Variants in ZNF608 observed in about 807,000 individuals in gnomAD.
The protein encoded by ZNF608 is renal carcinoma antigen NY-REN-36.
Under a neutral mutation model 109.0 loss-of-function variants are expected in ZNF608, and 12 were observed. That is an observed-to-expected ratio of 0.11 (90% CI 0.07 to 0.18). ZNF608 has a LOEUF of 0.18. Ranked by LOEUF, ZNF608 falls within the 10% of genes least tolerant of loss-of-function variation. The pLI, the probability that ZNF608 is intolerant of heterozygous loss-of-function variation, is 1.00. For missense variants in ZNF608, 1,707 were observed against 1,879.3 expected (o/e 0.91, Z 1.70); for synonymous variants, 732 against 717.4 (o/e 1.02, Z -0.33).
intron 8 of ZNF608, among the ~76,000 whole-genome samples, chr5:124,640,516 C>A (rs1420333265): frequency 6.6e-6 from 1 of 152,210 alleles, no homozygotes; most frequent in Non-Finnish European, 1.5e-5. Flanking sequence ...GCTGTACTGG[C>A]ACCCTGATCT....
intron 3 of ZNF608, among the ~76,000 whole-genome samples, chr5:124,674,303 C>T (rs1347970790): frequency 1.3e-5 from 2 of 152,214 alleles, no homozygotes; most frequent in Non-Finnish European, 2.9e-5. Flanking sequence ...ACATTGGAAT[C>T]AACTGGGTGG....
chr5:124,719,262 G>T (rs1487621654), intron 2 of ZNF608, among the ~76,000 whole-genome samples: 2 of 152,226 alleles, frequency 1.3e-5, no homozygotes, highest in Admixed American at 1.3e-4. Flanking sequence ...GTTCGTTTCA[G>T]TGATGTCTGT....
upstream of ZNF608, chr5:124,746,742 T>C (rs1166292787): frequency 4.1e-6 from 4 of 984,596 alleles, no homozygotes; most frequent in East Asian, 1.1e-4. Flanking sequence ...AGTCGGGAAG[T>C]GGCATTTTTC....
intron 3 of ZNF608, among the ~76,000 whole-genome samples, chr5:124,695,098 G>A (rs747013876): frequency 3.9e-5 from 6 of 152,166 alleles, no homozygotes; most frequent in African/African-American, 7.2e-5. Context: ...TCCATTTAGC[G>A]CAGGAGTCAT....
intron 3 of ZNF608, among the ~76,000 whole-genome samples, chr5:124,671,838 A>G (rs1379821850): frequency 1.3e-5 from 2 of 151,732 alleles, no homozygotes; most frequent in East Asian, 1.9e-4. Context: ...GGGTCTCCCT[A>G]TGTTGCCCAG....
chr5:124,692,369 T>G (rs1752659482), intron 3 of ZNF608, among the ~76,000 whole-genome samples: 1 of 152,238 alleles, frequency 6.6e-6, no homozygotes, highest in Non-Finnish European at 1.5e-5. Context: ...TATGGCGCAC[T>G]GACTCTGTGC....
At chr5:124,746,071 G>GT (rs1427177359) in intron 1 of ZNF608, 124 bp downstream of exon 1, 5 of 965,394 alleles carry the variant, frequency 5.2e-6, no homozygotes. Flanking sequence ...AAATGAGTGT[G>GT]TTTGACAAAG....
chr5:124,714,580 T>A (rs1172127814), intron 2 of ZNF608, among the ~76,000 whole-genome samples: 1 of 152,212 alleles, frequency 6.6e-6, no homozygotes, highest in Non-Finnish European at 1.5e-5. Context: ...TTTCTAAGCC[T>A]CAATTTCCTC....
intron 2 of ZNF608, among the ~76,000 whole-genome samples, chr5:124,701,500 C>T (rs1157023204): frequency 6.6e-6 from 1 of 152,212 alleles, no homozygotes; most frequent in Non-Finnish European, 1.5e-5. Flanking sequence ...GAATCATAAG[C>T]AGGTTTTCAG....
intron 3 of ZNF608, among the ~76,000 whole-genome samples, chr5:124,681,784 A>G (rs962317185): frequency 6.6e-6 from 1 of 152,218 alleles, no homozygotes; most frequent in Non-Finnish European, 1.5e-5. Context: ...GCATTGACAT[A>G]TGTCAGAATA....
Position 124,647,010 on chromosome 5 carries a change from C to G in ZNF608, c.3374G>C (p.Gly1125Ala). The G allele has an allele frequency of 1.9e-6, 3 of 1,614,112 alleles. No individual in the cohort carries two copies. Among genetic ancestry groups the G allele is most frequent in the Non-Finnish European group, 2.5e-6 (3 of 1,180,016 alleles). Residue 1125 changes from glycine to alanine, a missense_variant, in exon 5 of 10, where the codon GGA becomes GCA. By Grantham distance (60) the Gly-to-Ala change is moderately conservative. Coordinates refer to ENST00000513986, the MANE Select transcript of ZNF608 (RefSeq NM_020747.3). ...GAGCTCACTTTTCCTTTCACAGTCTCCTCTCCCAGTCTGGGCCATTTTCTG... is the reference window on the plus strand; with the variant it reads ...GAGCTCACTTTTCCTTTCACAGTCTGCTCTCCCAGTCTGGGCCATTTTCTG... ...AEQKMAQTGRGDCERKSELPL... is the reference protein window; with the variant it reads ...AEQKMAQTGRADCERKSELPL...
chr5:124,688,382 G>T (rs1016751682), intron 3 of ZNF608, among the ~76,000 whole-genome samples: 3 of 152,160 alleles, frequency 2.0e-5, no homozygotes, highest in Admixed American at 6.5e-5. Context: ...TAAGGAGAAA[G>T]TCTCATTCCC....
At chr5:124,652,703 G>A (rs77690869) in intron 3 of ZNF608, among the ~76,000 whole-genome samples, 14,464 of 152,168 alleles carry the variant, frequency 0.095, 945 homozygotes, top group Non-Finnish European at 0.14. Flanking sequence ...CGGTGTTTAG[G>A]TTCTAAAACT....
chr5:124,677,737 C>T (rs1752010761), intron 3 of ZNF608, among the ~76,000 whole-genome samples: 2 of 152,148 alleles, frequency 1.3e-5, no homozygotes, highest in South Asian at 4.1e-4. Flanking sequence ...CTCCATGATG[C>T]AACTTTAATA....
chr5:124,746,860 G>A (rs13163827), upstream of ZNF608: 126,732 of 860,268 alleles, frequency 0.15, 9,991 homozygotes, highest in Admixed American at 0.21. Flanking sequence ...CTGGGCAAGA[G>A]GAGAAAAAGA....
chr5:124,703,396 G>A (rs1452865439), intron 2 of ZNF608, among the ~76,000 whole-genome samples: 1 of 152,118 alleles, frequency 6.6e-6, no homozygotes, highest in African/African-American at 2.4e-5. Context: ...TAGGATTGGC[G>A]CCAACTCTGA....
chr5:124,687,842 TC>T (rs1235697665), intron 3 of ZNF608, among the ~76,000 whole-genome samples: 4 of 152,120 alleles, frequency 2.6e-5, no homozygotes, highest in African/African-American at 9.7e-5. Context: ...TGATGGTTCT[TC>T]CTCCTGCTGT....
intron 3 of ZNF608, among the ~76,000 whole-genome samples, chr5:124,670,849 A>G (rs749080754): frequency 6.6e-6 from 1 of 152,184 alleles, no homozygotes; most frequent in Non-Finnish European, 1.5e-5. Flanking sequence ...AGTCGTTTTC[A>G]AAAAGCTGCT....
intron 3 of ZNF608, among the ~76,000 whole-genome samples, chr5:124,689,974 G>T (rs1345133807): frequency 6.6e-6 from 1 of 152,198 alleles, no homozygotes; most frequent in African/African-American, 2.4e-5. Flanking sequence ...AAGTTACCAA[G>T]ATGTCTTTCA....
Sources: gnomAD v4.1 joint callset for allele counts (sites outside exome capture counted in the v4.1 genomes callset) on GRCh38, gnomAD v4.1.1 for gene constraint, MANE v1.5 for transcripts, NCBI Gene and HGNC (gene_info 2026-07-23, HGNC 2026-07-21) for gene names.